The following POLH variants were observed in gnomAD, a reference collection of about 807,000 sequenced individuals.
POLH encodes the protein DNA polymerase eta, also known as DNA polymerase eta transcript.
A neutral mutation model predicts 73.6 loss-of-function variants in POLH; 53 were observed. That is an observed-to-expected ratio of 0.72 (90% CI 0.58 to 0.91). POLH has a LOEUF of 0.91. Ranked by LOEUF, POLH falls within the 40% of genes least tolerant of loss-of-function variation. The probability of loss-of-function intolerance (pLI) is 0.00; values close to 1 mark genes in which losing one functional copy is unlikely to be tolerated. For synonymous variants in POLH, 292 were observed against 308.5 expected, an observed-to-expected ratio of 0.95 and a Z score of 0.56; for missense variants, 768 against 865.4, an observed-to-expected ratio of 0.89 and a Z score of 1.41.
Position 43,613,730 on chromosome 6 carries a change from G to A in POLH, c.1315G>A (p.Asp439Asn). Residue 439 changes from aspartate to asparagine, a missense_variant, in exon 11 of 11, where the codon GAC (aspartate) becomes AAC (asparagine). Asp to Asn is a conservative substitution (Grantham distance 23). Transcript: ENST00000372236. ...TGCCTCTGCCCCTTCATCTTCTACA[G>A]ACATCACCAGCTTCTTGAGCAGTGA... ...FSASAPSSSTDITSFLSSDPS... is the reference protein window; with the variant it reads ...FSASAPSSSTNITSFLSSDPS... 1 of 1,613,644 alleles carries A rather than the reference G, an allele frequency of 6.2e-7. No individual in the cohort carries two copies.
rs778739941 is a variant in POLH, at chr6:43,603,917, G to C, written c.790G>C (p.Ala264Pro). Residue 264 changes from alanine to proline, a missense_variant, in exon 7 of 11, where the codon GCC becomes CCC. Coordinates refer to ENST00000372236, the MANE Select transcript of POLH (RefSeq NM_006502.3). ...CCGTAGTCTTGGAGGAAAGCTAGGG[G>C]CCTCTGTCATTGAGATCCTAGGGAT... Reference protein sequence around the residue: ...KIRSLGGKLGASVIEILGIEY... With the variant: ...KIRSLGGKLGPSVIEILGIEY... 32 of 1,612,978 alleles carry C rather than the reference G, an allele frequency of 2.0e-5. No individual in the cohort carries two copies. The highest frequency in any genetic ancestry group is 2.7e-5 in the African/African-American group (2 of 74,888).
intron 10 of POLH, among the ~76,000 whole-genome samples, chr6:43,612,800 A>ATT (rs973070635): frequency 3.2e-4 from 43 of 134,054 alleles, no homozygotes; most frequent in African/African-American, 8.5e-4. Context: ...AAAATTTCTG[A>ATT]TTTTTTTTTT....
intron 5 of POLH, among the ~76,000 whole-genome samples, chr6:43,598,766 T>G (rs1766405257): frequency 6.6e-6 from 1 of 152,072 alleles, no homozygotes; most frequent in South Asian, 2.1e-4. Context: ...TATACAAAGG[T>G]TATATGCAAA....
chr6:43,610,059 T>C (rs1475052572), intron 9 of POLH, among the ~76,000 whole-genome samples: 1 of 138,954 alleles, frequency 7.2e-6, no homozygotes, highest in Non-Finnish European at 1.6e-5. Context: ...ATAGATTCTT[T>C]TTTTTTTTTT....
chr6:43,610,395 C>T (rs1296915987), intron 9 of POLH, among the ~76,000 whole-genome samples, 159 bp from the exon 10 acceptor site: 2 of 152,034 alleles, frequency 1.3e-5, no homozygotes, highest in African/African-American at 4.8e-5. Flanking sequence ...TATCTTTACT[C>T]TTTGCAGAAC....
intron 4 of POLH, among the ~76,000 whole-genome samples, chr6:43,588,982 C>T (rs1413684304): frequency 9.2e-5 from 14 of 152,000 alleles, no homozygotes; most frequent in Non-Finnish European, 1.5e-4. Flanking sequence ...GGATTACGGG[C>T]GCCCGCCACC....
intron 4 of POLH, among the ~76,000 whole-genome samples, chr6:43,593,624 G>C (rs556887751): frequency 6.6e-6 from 1 of 152,182 alleles, no homozygotes; most frequent in Non-Finnish European, 1.5e-5. Context: ...GCTCACGCCT[G>C]TAATCCCAGC....
chr6:43,596,816 A>G (rs1766115567), intron 4 of POLH, among the ~76,000 whole-genome samples: 3 of 152,186 alleles, frequency 2.0e-5, no homozygotes, highest in South Asian at 4.1e-4. Flanking sequence ...ATTTGGGGAT[A>G]AAGATTTGTA....
intron 3 of POLH, 26 bp downstream of exon 3, chr6:43,583,167 G>C (rs1007630758): frequency 6.2e-7 from 1 of 1,608,982 alleles, no homozygotes; most frequent in Non-Finnish European, 8.5e-7. Context: ...TATTTAAGGA[G>C]ACATAAAGGA....
chr6:43,595,874 G>C (rs1320976172), intron 4 of POLH, among the ~76,000 whole-genome samples: 5 of 151,012 alleles, frequency 3.3e-5, no homozygotes, highest in Non-Finnish European at 5.9e-5. Flanking sequence ...CTATTTTCCT[G>C]AAACACCAAG....
At chr6:43,601,219 A>G (rs1358469092) in intron 6 of POLH, 128 bp downstream of exon 6, 3 of 718,326 alleles carry the variant, frequency 4.2e-6, no homozygotes, top group Non-Finnish European at 7.7e-6. Context: ...TTAGAAGGAA[A>G]ACAACACAGA....
rs532583227 is a variant in POLH, at chr6:43,582,332, C to G, written c.13C>G (p.Gln5Glu). The change falls in exon 2 of 11, where the codon CAG becomes GAG. Residue 5 changes from glutamine to glutamate, a missense_variant. Transcript: ENST00000372236. ...GTGTTACAGAAAAATGGCTACTGGA[C>G]AGGATCGAGTGGTTGCTCTCGTGGA... is the stretch of plus-strand genomic sequence containing the variant. Reference protein sequence around the residue: MATGQDRVVALVDMD... With the variant: MATGEDRVVALVDMD... 1.9e-6 allele frequency: 3 copies of G among 1,614,098 alleles called. No homozygotes were observed. The highest frequency in any genetic ancestry group is 3.3e-5 in the Admixed American group (2 of 60,020).
chr6:43,588,483 ACT>A (rs1418112772), intron 4 of POLH: 3 of 147,280 alleles, frequency 2.0e-5, no homozygotes, highest in African/African-American at 5.0e-5. Flanking sequence ...ATGGAGCGTC[ACT>A]CTGTCGCCCT....
intron 1 of POLH, among the ~76,000 whole-genome samples, chr6:43,580,835 G>T (rs1764035941): frequency 2.1e-5 from 3 of 143,856 alleles, no homozygotes; most frequent in South Asian, 4.5e-4. Context: ...CCCAGTAGGG[G>T]CGGCCGGGCA....
chr6:43,610,598 AG>A lies in POLH; in HGVS notation c.1121del (p.Gly374GlufsTer22), dbSNP rs1223926847. Reference sequence around the variant, plus strand: ...AGCTGGTTGTGAGCATTCGTGTACAAGGAGACAAACGCCTCAGCAGCCTGCG... The same window carrying A: ...AGCTGGTTGTGAGCATTCGTGTACAAGAGACAAACGCCTCAGCAGCCTGCG... ...TQLVVSIRVQ[G>X]DKRLSSLRRC... On this transcript the variant is annotated frameshift_variant, in exon 10 of 11. Transcript: ENST00000372236. LOFTEE classifies it high-confidence loss of function. The A allele has an allele frequency of 6.2e-7, 1 of 1,613,962 alleles. No individual in the cohort carries two copies. Among genetic ancestry groups the A allele is most frequent in the African/African-American group, 1.3e-5 (1 of 74,920 alleles).
rs112047191 is a variant in POLH, at chr6:43,578,207, T to C, written c.-5+1767T>C. On this transcript the variant is annotated intron_variant, in intron 1 of 10. Coordinates refer to ENST00000372236, the MANE Select transcript of POLH (RefSeq NM_006502.3). ...TTAGAGACTAGCCTGGCCAACATGG[T>C]GAAACCCAGTCTCTACTCGAAATAC... 3.7e-4 allele frequency among the ~76,000 whole-genome samples: 56 copies of C among 151,256 alleles called. 1 individual carries two copies. Among genetic ancestry groups the C allele is most frequent in the Middle Eastern group, 3.5e-3 (1 of 288 alleles).
chr6:43,577,442 G>A (rs554501790), intron 1 of POLH, among the ~76,000 whole-genome samples: 1 of 152,322 alleles, frequency 6.6e-6, no homozygotes, highest in South Asian at 2.1e-4. Flanking sequence ...CCACTTCAAA[G>A]TAGAGGGACT....
Position 43,587,227 on chromosome 6 carries a change from T to TGGC in POLH, c.273-45_273-44insGGC. On this transcript the variant is annotated intron_variant, in intron 3 of 10. Coordinates refer to ENST00000372236, the MANE Select transcript of POLH (RefSeq NM_006502.3). The stretch of plus-strand genomic sequence containing the variant: ...GGGAGTGGAGCAGACAATCTCAAGG[T>TGGC]TGCCTCTGTTTATTGCCTGCATGAA... 3 of 1,396,070 alleles carry TGGC rather than the reference T, an allele frequency of 2.1e-6. No individual in the cohort carries two copies. The South Asian group carries it at 3.5e-5, about 16-fold the overall frequency. 86.5% of individuals were successfully genotyped at this position (1,396,070 alleles called of 1,614,324 possible). A position where few individuals can be genotyped will look rare whatever the true frequency, so the allele number is the denominator to read the frequency against.
Position 43,587,447 on chromosome 6 carries a change from T to C in POLH, c.448T>C (p.Leu150=). 1 of 1,614,140 alleles carries C rather than the reference T, an allele frequency of 6.2e-7. No homozygotes were observed. The highest frequency in any genetic ancestry group is 8.5e-7 in the Non-Finnish European group (1 of 1,180,018). The change falls in exon 4 of 11, where the codon TTG becomes CTG. Residue 150 remains leucine (L), a synonymous_variant. Transcript: ENST00000372236. ...GTTGCCAAGCACTTACATTGAAGGGTTGCCCCAAGGCCCTACAACGGCAGA... is the reference window on the plus strand; with the variant it reads ...GTTGCCAAGCACTTACATTGAAGGGCTGCCCCAAGGCCCTACAACGGCAGA... ...DLLPSTYIEG[L]PQGPTTAEET...
Sources: allele counts gnomAD v4.1 joint callset (sites outside exome capture counted in the v4.1 genomes callset), GRCh38; gene constraint gnomAD v4.1.1; transcripts MANE v1.5; gene names NCBI Gene and HGNC (gene_info 2026-07-23, HGNC 2026-07-21).